Variants in RABEP1 observed in about 807,000 individuals in gnomAD.
The protein encoded by RABEP1 is rab GTPase-binding effector protein 1.
A neutral mutation model predicts 123.4 loss-of-function variants in RABEP1; 51 were observed. The observed-to-expected ratio is 0.41, with a 90% confidence interval of 0.33 to 0.52. RABEP1 has a LOEUF of 0.52. Ranked by LOEUF, RABEP1 falls within the 20% of genes least tolerant of loss-of-function variation. The pLI is 0.16. For synonymous variants in RABEP1, 347 were observed against 355.2 expected (o/e 0.98, Z 0.26); for missense variants, 888 against 996.3 (o/e 0.89, Z 1.46).
chr17:5,375,305 C>T (rs189243240), intron 13 of RABEP1, among the ~76,000 whole-genome samples: 133 of 152,236 alleles, frequency 8.7e-4, no homozygotes, highest in Non-Finnish European at 1.5e-3. Context: ...TGTCTCCCAC[C>T]TTTCCCCAAC....
At position 5,380,284 on chromosome 17, in the gene RABEP1, C is replaced by T. The variant is rs1445174998; in HGVS notation, c.2272-80C>T. The stretch of plus-strand genomic sequence containing the variant: ...AGCCCGAGTGTCTTGGTGTAATTCT[C>T]CAGGCTCTAGGCTCTTTTAGGTAGT... On this transcript the variant is annotated intron_variant, in intron 15 of 17. Transcript: ENST00000537505. 1.1e-5 allele frequency: 10 copies of T among 935,708 alleles called. No homozygotes were observed. In the African/African-American group the frequency reaches 1.2e-4, roughly 11 times the overall value. 58.0% of individuals were successfully genotyped at this position (935,708 alleles called of 1,614,324 possible). A position where few individuals can be genotyped will look rare whatever the true frequency, so the allele number is the denominator to read the frequency against.
At chr17:5,352,316 C>G (rs1433664788) in intron 7 of RABEP1, among the ~76,000 whole-genome samples, 1 of 151,782 alleles carries the variant, frequency 6.6e-6, no homozygotes, top group Admixed American at 6.6e-5. Context: ...TCTCAGCCGC[C>G]CAAGTAGCTG....
In RABEP1 at chr17:5,338,043, C is replaced by T. The variant is rs1412015853; in HGVS notation, c.553C>T (p.Arg185Trp). ...GGCCCAAGAGGATGCTGAGAAACTT[C>T]GGTCCGTTGTGATGCCAATGGAAAA... ...KKAQEDAEKL[R>W]SVVMPMEKEI... The change falls in exon 5 of 18, where the codon CGG (arginine) becomes TGG (tryptophan). Residue 185 changes from arginine (R) to tryptophan (W), a missense_variant. Arg to Trp is a moderately radical substitution (Grantham distance 101). Transcript: ENST00000537505. The T allele has an allele frequency of 5.6e-6, 9 of 1,612,828 alleles. No homozygotes were observed. In the East Asian group the frequency reaches 6.7e-5, roughly 12 times the overall value.
At chr17:5,298,401 A>G (rs1358178951) in intron 1 of RABEP1, among the ~76,000 whole-genome samples, 1 of 152,210 alleles carries the variant, frequency 6.6e-6, no homozygotes, top group East Asian at 1.9e-4. Flanking sequence ...TTTCTTGTAA[A>G]TGATAGAAAT....
At chr17:5,322,285 G>A (rs1307613938) in intron 2 of RABEP1, among the ~76,000 whole-genome samples, 1 of 152,072 alleles carries the variant, frequency 6.6e-6, no homozygotes, top group Non-Finnish European at 1.5e-5. Context: ...TTGAGCCCAG[G>A]AGTTTGAGGT....
At chr17:5,367,468 A>G (rs933767255) in intron 11 of RABEP1, among the ~76,000 whole-genome samples, 4 of 151,704 alleles carry the variant, frequency 2.6e-5, no homozygotes, top group South Asian at 2.1e-4. Flanking sequence ...ACGGGGTTTC[A>G]CCATCTTGGC....
intron 9 of RABEP1, among the ~76,000 whole-genome samples, chr17:5,362,251 C>T (rs1437738192): frequency 1.3e-5 from 2 of 152,214 alleles, no homozygotes; most frequent in African/African-American, 4.8e-5. Flanking sequence ...AGGCCTTTCA[C>T]ATACCTGATC....
intron 16 of RABEP1, 106 bp downstream of exon 16, chr17:5,380,568 TAAAAAGTTGGCA>T: frequency 9.9e-7 from 1 of 1,011,334 alleles, no homozygotes; most frequent in Non-Finnish European, 1.5e-6. Context: ...TGTCACCTTT[TAAAAAGTTGGCA>T]AAACTGACAG....
intron 1 of RABEP1, among the ~76,000 whole-genome samples, chr17:5,284,419 T>TTGAGTGCCTTGTG (rs1237319311): frequency 3.3e-5 from 5 of 152,146 alleles, no homozygotes; most frequent in African/African-American, 1.2e-4. Flanking sequence ...TTTGGTACGT[T>TTGAGTGCCTTGTG]TGAGTGCCTT....
intron 17 of RABEP1, among the ~76,000 whole-genome samples, chr17:5,382,335 G>GGTGAT (rs1911544051): frequency 6.6e-6 from 1 of 151,536 alleles, no homozygotes; most frequent in Admixed American, 6.6e-5. Flanking sequence ...ACCTGCCTCA[G>GGTGAT]CCTCCCAAAT....
intron 11 of RABEP1, among the ~76,000 whole-genome samples, chr17:5,366,882 G>A (rs1318752956): frequency 3.3e-5 from 5 of 151,706 alleles, no homozygotes; most frequent in Admixed American, 3.3e-4. Context: ...CTGAGGTCAG[G>A]AGTTTGAGAC....
At chr17:5,375,622 C>T (rs563148236) in intron 13 of RABEP1, among the ~76,000 whole-genome samples, 30 of 152,096 alleles carry the variant, frequency 2.0e-4, no homozygotes, top group African/African-American at 6.7e-4. Flanking sequence ...GGAGGGGTCG[C>T]CTGAGCCCAG....
intron 16 of RABEP1, among the ~76,000 whole-genome samples, chr17:5,380,917 C>T (rs147979401): frequency 1.3e-5 from 2 of 152,310 alleles, no homozygotes; most frequent in East Asian, 3.9e-4. Flanking sequence ...AAAGTGCAGA[C>T]AGTGTTGCTG....
At chr17:5,347,806 G>C (rs1908199447) in intron 6 of RABEP1, among the ~76,000 whole-genome samples, 1 of 152,014 alleles carries the variant, frequency 6.6e-6, no homozygotes, top group Admixed American at 6.6e-5. Context: ...ATTCTTAAAG[G>C]TGTCCAAAAG....
At chr17:5,368,335 C>T in intron 11 of RABEP1, 35 bp from the exon 12 acceptor site, 1 of 1,398,730 alleles carries the variant, frequency 7.1e-7, no homozygotes, top group South Asian at 1.2e-5. Context: ...TAACCGATTT[C>T]CTAACTATGT....
At chr17:5,324,802 CATCACTA>C in intron 2 of RABEP1, among the ~76,000 whole-genome samples, 1 of 152,294 alleles carries the variant, frequency 6.6e-6, no homozygotes, top group Admixed American at 6.5e-5. Flanking sequence ...AGATGCTCAA[CATCACTA>C]ATCATTAGAG....
chr17:5,329,485 C>T (rs141337572), intron 2 of RABEP1, among the ~76,000 whole-genome samples: 4,918 of 152,204 alleles, frequency 0.032, 112 homozygotes, highest in Non-Finnish European at 0.049. Context: ...GAGCCAAGAT[C>T]GTGCCACTGC....
chr17:5,289,879 C>T (rs2075016597), intron 1 of RABEP1, among the ~76,000 whole-genome samples: 1 of 152,168 alleles, frequency 6.6e-6, no homozygotes, highest in African/African-American at 2.4e-5. Context: ...GTCTTTGTCA[C>T]TCTGATATCC....
In RABEP1 at chr17:5,379,931, A is replaced by C. The variant is rs989392998; in HGVS notation, c.2272-433A>C. Among the ~76,000 whole-genome samples the C allele has an allele frequency of 3.3e-5, 5 of 152,128 alleles. No individual in the cohort carries two copies. In the East Asian group the frequency reaches 9.6e-4, roughly 29 times the overall value. On this transcript the variant is annotated intron_variant, in intron 15 of 17. Coordinates refer to ENST00000537505, the MANE Select transcript of RABEP1 (RefSeq NM_004703.6). ...GTGCTGTGCTGTAGGCCAGCCGAAC[A>C]TGCCACTGTTGCTGCATGTGTTTTT...
Sources: allele counts gnomAD v4.1 joint callset (sites outside exome capture counted in the v4.1 genomes callset), GRCh38; gene constraint gnomAD v4.1.1; transcripts MANE v1.5; gene names NCBI Gene and HGNC (gene_info 2026-07-23, HGNC 2026-07-21).